Variants in GRM6 observed in about 807,000 individuals in gnomAD.
GRM6 encodes glutamate metabotropic receptor 6.
Under a neutral mutation model 78.4 loss-of-function variants are expected in GRM6, and 73 were observed. The observed-to-expected ratio is 0.93, with a 90% CI of 0.77 to 1.13. GRM6 has a LOEUF of 1.13. Ranked by LOEUF, GRM6 falls within the 50% of genes most tolerant of loss-of-function variation. The pLI is 0.00. For synonymous variants in GRM6, 580 were observed against 555.0 expected (o/e 1.05, Z -0.63); for missense variants, 1,251 against 1,256.4 (o/e 1.00, Z 0.07).
rs906079634 is a variant in GRM6, at chr5:178,988,841, C to T, written c.1354+94G>A. On this transcript the variant is annotated intron_variant, in intron 7 of 10. Transcript: ENST00000517717. The surrounding 1 kb of genome is among the most constrained non-coding windows in gnomAD (Gnocchi z 6.0). ...CCCCATTAGACCACTCAGCCTCACC[C>T]AGCCCTTCCACCCTGAGGTTGTCCC... 14 of 1,027,916 alleles carry T rather than the reference C, an allele frequency of 1.4e-5. No individual in the cohort carries two copies. Among genetic ancestry groups the T allele is most frequent in the Non-Finnish European group, 2.1e-5 (14 of 674,540 alleles). 63.7% of individuals were successfully genotyped at this position (1,027,916 alleles called of 1,614,324 possible).
chr5:178,987,479 CA>C, intron 7 of GRM6: 1 of 456,518 alleles, frequency 2.2e-6, no homozygotes, highest in Non-Finnish European at 4.4e-6. Context: ...ATTCAGCCTT[CA>C]AAAGGAAGGC....
At chr5:178,984,802 T>TCGCCGGGAGTGGACAG (rs1359422449) in intron 9 of GRM6, among the ~76,000 whole-genome samples, 1 of 152,076 alleles carries the variant, frequency 6.6e-6, no homozygotes, top group Non-Finnish European at 1.5e-5. Context: ...GAGAAGGGGC[T>TCGCCGGGAGTGGACAG]CGCCGGGAGT....
chr5:178,994,837 C>A lies in GRM6; in HGVS notation c.108G>T (p.Ala36=), dbSNP rs1200307217. ...ACAGGCCGCCCAGCGTCAGGCCGCC[C>A]GCCAGGCGCACAGAGCCCGCCGCGC... is the stretch of plus-strand genomic sequence containing the variant. ...LARAAGSVRL[A]GGLTLGGLFP... is the part of the protein sequence containing the mutation. The change falls in exon 2 of 11, where the codon GCG becomes GCT. Residue 36 remains alanine (A), a synonymous_variant. Coordinates refer to ENST00000517717, the MANE Select transcript of GRM6 (RefSeq NM_000843.4). The A allele has an allele frequency of 8.1e-7, 1 of 1,228,616 alleles. No individual in the cohort carries two copies. Among genetic ancestry groups the A allele is most frequent in the Admixed American group, 4.2e-5 (1 of 23,770 alleles). The allele number at this position is 1,228,616 out of a possible 1,614,324, so 76.1% of individuals were successfully genotyped here.
At chr5:178,982,576 C>CAAAAAAAAAAAA (rs70997654) in intron 10 of GRM6, among the ~76,000 whole-genome samples, 2 of 20,168 alleles carry the variant, frequency 9.9e-5, no homozygotes, top group Non-Finnish European at 1.5e-4. Context: ...GACTCTGTCT[C>CAAAAAAAAAAAA]AAAAAAAAAA....
At position 178,982,898 on chromosome 5, in the gene GRM6, G is replaced by A; in HGVS notation, c.2436+12C>T. ...GGAAACAGGCAGCGAGACCTCCTGG[G>A]GACCTCATTACCTTTTCAGCTGACT... On this transcript the variant is annotated intron_variant, in intron 10 of 10. Coordinates refer to ENST00000517717, the MANE Select transcript of GRM6 (RefSeq NM_000843.4). 1 of 1,601,684 alleles carries A rather than the reference G, an allele frequency of 6.2e-7. No individual in the cohort carries two copies. Among genetic ancestry groups the A allele is most frequent in the Non-Finnish European group, 8.6e-7 (1 of 1,168,704 alleles).
At chr5:178,985,507 TC>T in intron 9 of GRM6, 3 of 338,674 alleles carry the variant, frequency 8.9e-6, no homozygotes, top group South Asian at 4.5e-5. Flanking sequence ...ATCGAGACCA[TC>T]CTGGCTAACA....
intron 9 of GRM6, among the ~76,000 whole-genome samples, chr5:178,983,742 G>A (rs183575624): frequency 1.3e-5 from 2 of 152,340 alleles, no homozygotes; most frequent in East Asian, 3.9e-4. Context: ...GAGTACTGGA[G>A]TCTGTGCAGG....
In GRM6 at chr5:178,980,074, A is replaced by G. The variant is rs548012516; in HGVS notation, c.*1583T>C. On this transcript the variant is annotated 3_prime_UTR_variant, in exon 11 of 11. Transcript: ENST00000517717. The surrounding 1 kb of genome is among the most constrained non-coding windows in gnomAD (Gnocchi z 4.3). Reference sequence around the variant, plus strand: ...GCAACAGAAATGTTTCTCAGAGGAGAAGCTTTTAAGTTAATTACTTAAAAC... The same window carrying G: ...GCAACAGAAATGTTTCTCAGAGGAGGAGCTTTTAAGTTAATTACTTAAAAC... 1 of 154,498 alleles carries G rather than the reference A, an allele frequency of 6.5e-6. No homozygotes were observed. The highest frequency in any genetic ancestry group is 1.5e-5 in the Non-Finnish European group (1 of 68,216). 9.6% of individuals were successfully genotyped at this position (154,498 alleles called of 1,614,324 possible).
chr5:178,981,336 C>T lies in GRM6; in HGVS notation c.*321G>A. ...AATCTCCCGCAAACCAGGCAAAGCC[C>T]AGGGCTTCATCATCCTCTTTGGACT... On this transcript the variant is annotated 3_prime_UTR_variant, in exon 11 of 11. Transcript: ENST00000517717. This position sits in a 1 kb window ranked among gnomAD's most constrained non-coding sequence, Gnocchi z 5.1. 3.1e-6 allele frequency: 1 copy of T among 323,782 alleles called. No individual in the cohort carries two copies. The highest frequency in any genetic ancestry group is 3.8e-5 in the South Asian group (1 of 26,144). 20.1% of individuals were successfully genotyped at this position (323,782 alleles called of 1,614,324 possible). A position where few individuals can be genotyped will look rare whatever the true frequency, so the allele number is the denominator to read the frequency against.
rs375503479 is a variant in GRM6 at position 178,991,818 on chromosome 5, C to T, written c.721+49G>A. On this transcript the variant is annotated intron_variant, in intron 3 of 10. Coordinates refer to ENST00000517717, the MANE Select transcript of GRM6 (RefSeq NM_000843.4). This position sits in a 1 kb window ranked among gnomAD's most constrained non-coding sequence, Gnocchi z 5.0. Reference sequence around the variant, plus strand: ...CTGCTTCTGCCCCAACTGAGGGCCCCGGGCCCACACTATGTAGACTCCTTG... The same window carrying T: ...CTGCTTCTGCCCCAACTGAGGGCCCTGGGCCCACACTATGTAGACTCCTTG... 33 of 1,502,520 alleles carry T rather than the reference C, an allele frequency of 2.2e-5. No individual in the cohort carries two copies. Among genetic ancestry groups the T allele is most frequent in the African/African-American group, 6.9e-5 (5 of 72,592 alleles). The allele number at this position is 1,502,520 out of a possible 1,614,324, so 93.1% of individuals were successfully genotyped here. A position where few individuals can be genotyped will look rare whatever the true frequency, so the allele number is the denominator to read the frequency against.
rs780127837 is a variant in GRM6, at chr5:178,985,716, A to AC, written c.2124+413_2124+414insG. ...AGACTCTGTCTAAAAAAAAAAAAAC[A>AC]AAACAACACAGGAACCAAAATAGAA... On this transcript the variant is annotated intron_variant, in intron 9 of 10. Coordinates refer to ENST00000517717, the MANE Select transcript of GRM6 (RefSeq NM_000843.4). The AC allele has an allele frequency of 9.0e-4, 368 of 410,632 alleles. 6 individuals are homozygous for AC. Among genetic ancestry groups the AC allele is most frequent in the African/African-American group, 7.5e-3 (327 of 43,498 alleles). The allele number at this position is 410,632 out of a possible 1,614,324, so 25.4% of individuals were successfully genotyped here. A position where few individuals can be genotyped will look rare whatever the true frequency, so the allele number is the denominator to read the frequency against.
At position 178,991,686 on chromosome 5, in the gene GRM6, C is replaced by T. The variant is rs772224869; in HGVS notation, c.722-127G>A. On this transcript the variant is annotated intron_variant, in intron 3 of 10. Transcript: ENST00000517717. This position sits in a 1 kb window ranked among gnomAD's most constrained non-coding sequence, Gnocchi z 5.0. ...GGGGTGAAGTCTGGCCTGCACCCTC[C>T]GCCAAGCCTGAGGCAGGGCTGAGTC... 1.1e-5 allele frequency: 14 copies of T among 1,273,382 alleles called. No individual in the cohort carries two copies. Among genetic ancestry groups the T allele is most frequent in the East Asian group, 2.3e-5 (1 of 43,326 alleles). The allele number at this position is 1,273,382 out of a possible 1,614,324, so 78.9% of individuals were successfully genotyped here. A position where few individuals can be genotyped will look rare whatever the true frequency, so the allele number is the denominator to read the frequency against.
chr5:178,983,570 A>C, intron 9 of GRM6: 1 of 454,088 alleles, frequency 2.2e-6, no homozygotes, highest in Non-Finnish European at 4.4e-6. Context: ...GCGCCCCTTC[A>C]AGGTAGATGG....
rs1279861459 is a variant in GRM6 at position 178,989,083 on chromosome 5, C to G, written c.1206G>C (p.Gln402His). 1.2e-6 allele frequency: 2 copies of G among 1,614,106 alleles called. No individual in the cohort carries two copies. Among genetic ancestry groups the G allele is most frequent in the Non-Finnish European group, 1.7e-6 (2 of 1,179,962 alleles). ...TGGCGTACACCGCATCAATCACAAACTGCACCTTGCCCTCCTGCTCGTAGG... is the reference window on the plus strand; with the variant it reads ...TGGCGTACACCGCATCAATCACAAAGTGCACCTTGCCCTCCTGCTCGTAGG... The part of the protein sequence containing the change: ...DSTYEQEGKV[Q>H]FVIDAVYAIA... The change falls in exon 7 of 11, where the codon CAG becomes CAC. Residue 402 changes from glutamine to histidine, a missense_variant. Transcript: ENST00000517717.
rs1760666008 is a variant in GRM6 at position 178,991,298 on chromosome 5, A to AG, written c.857+125dup. The AG allele has an allele frequency of 3.4e-6, 3 of 889,898 alleles. No individual in the cohort carries two copies. The highest frequency in any genetic ancestry group is 5.5e-6 in the Non-Finnish European group (3 of 548,774). 55.1% of individuals were successfully genotyped at this position (889,898 alleles called of 1,614,324 possible). A position where few individuals can be genotyped will look rare whatever the true frequency, so the allele number is the denominator to read the frequency against. On this transcript the variant is annotated intron_variant, in intron 4 of 10. Transcript: ENST00000517717. The surrounding 1 kb of genome is among the most constrained non-coding windows in gnomAD (Gnocchi z 5.0). ...CCAGACTCAGAGGCAGCAGCAGGGA[A>AG]GGTGGGGGGTGCGGGGAGCAGGGGA... is the stretch of plus-strand genomic sequence containing the variant.
At chr5:178,985,284 T>G (rs980555949) in intron 9 of GRM6, 7 of 456,360 alleles carry the variant, frequency 1.5e-5, no homozygotes, top group African/African-American at 1.4e-4. Context: ...CAGAAAGATC[T>G]CTGGAGGCCC....
intron 9 of GRM6, 132 bp from the exon 10 acceptor site, chr5:178,983,353 G>C (rs1760444334): frequency 2.4e-6 from 2 of 818,868 alleles, no homozygotes. Context: ...ACCTCTTCGT[G>C]GTGGCTCTCA....
Position 178,992,238 on chromosome 5 carries a change from G to A in GRM6, c.505-155C>T. The A allele has an allele frequency of 1.4e-6, 1 of 703,702 alleles. No homozygotes were observed. The highest frequency in any genetic ancestry group is 2.6e-6 in the Non-Finnish European group (1 of 389,268). The allele number at this position is 703,702 out of a possible 1,614,324, so 43.6% of individuals were successfully genotyped here. A position where few individuals can be genotyped will look rare whatever the true frequency, so the allele number is the denominator to read the frequency against. On this transcript the variant is annotated intron_variant, in intron 2 of 10. Transcript: ENST00000517717. This position sits in a 1 kb window ranked among gnomAD's most constrained non-coding sequence, Gnocchi z 4.9. ...ATGGAAGGGTTGGGGTGGGGACCTG[G>A]GGCCAGCTGGAGCAGCCACCTGGAA...
chr5:178,989,220 A>AAGG, intron 6 of GRM6, 45 bp downstream of exon 6: 1 of 817,274 alleles, frequency 1.2e-6, no homozygotes, highest in Non-Finnish European at 1.8e-6. Flanking sequence ...CACCCTCACC[A>AAGG]CCCTCCCCAC....
Sources: gnomAD v4.1 joint callset for allele counts (sites outside exome capture counted in the v4.1 genomes callset) on GRCh38, gnomAD v4.1.1 for gene constraint, Gnocchi (gnomAD v3.1) non-coding constraint, MANE v1.5 for transcripts, NCBI Gene and HGNC (gene_info 2026-07-23, HGNC 2026-07-21) for gene names.